Variants in AGBL3 observed in about 807,000 individuals in gnomAD.
AGBL3 encodes cytosolic carboxypeptidase 3.
Under a neutral mutation model 94.5 loss-of-function variants are expected in AGBL3, and 68 were observed. That is an observed-to-expected ratio of 0.72 (90% CI 0.59 to 0.88). The LOEUF is 0.88. AGBL3 is among the 40% of genes least tolerant of loss of function. AGBL3 has a pLI of 0.00. For synonymous variants in AGBL3, 354 were observed against 370.7 expected, an observed-to-expected ratio of 0.95 and a Z score of 0.52; for missense variants, 934 against 1,103.8, an observed-to-expected ratio of 0.85 and a Z score of 2.18.
chr7:135,103,087 C>T (rs1824101281), intron 15 of AGBL3, among the ~76,000 whole-genome samples: 1 of 152,174 alleles, frequency 6.6e-6, no homozygotes, highest in Non-Finnish European at 1.5e-5. Flanking sequence ...AATACTCCGG[C>T]AGAATCCACT....
chr7:135,033,065 CA>C lies in AGBL3; in HGVS notation c.557+84del, dbSNP rs1815938341. ...CAAGTACATTAAAGTTCTTAGTATC[CA>C]TTATGAAACTGTAATTCCTTGAAGT... On this transcript the variant is annotated intron_variant, in intron 6 of 16. Coordinates refer to ENST00000436302, the MANE Select transcript of AGBL3 (RefSeq NM_178563.4). 9 of 1,294,876 alleles carry C rather than the reference CA, an allele frequency of 7.0e-6. 1 individual carries two copies. The South Asian group carries it at 1.6e-4, about 23-fold the overall frequency. The allele number at this position is 1,294,876 out of a possible 1,614,324, so 80.2% of individuals were successfully genotyped here.
intron 7 of AGBL3, among the ~76,000 whole-genome samples, chr7:135,036,598 A>G (rs1031191870): frequency 3.3e-5 from 5 of 152,196 alleles, no homozygotes; most frequent in Admixed American, 6.6e-5. Flanking sequence ...CTTGAATATG[A>G]AAAATATAAA....
intron 4 of AGBL3, among the ~76,000 whole-genome samples, chr7:135,002,562 A>G (rs1811853433): frequency 1.3e-5 from 2 of 152,164 alleles, no homozygotes; most frequent in South Asian, 4.2e-4. Context: ...AGCATAAACT[A>G]TCTGATGTAG....
At chr7:135,024,395 T>G (rs1314543555) in intron 5 of AGBL3, among the ~76,000 whole-genome samples, 1 of 152,240 alleles carries the variant, frequency 6.6e-6, no homozygotes, top group Non-Finnish European at 1.5e-5. Flanking sequence ...CTGCCCAATA[T>G]ACATTCATTG....
chr7:135,060,676 C>T (rs917965380), intron 12 of AGBL3, among the ~76,000 whole-genome samples: 7 of 152,120 alleles, frequency 4.6e-5, no homozygotes, highest in African/African-American at 1.7e-4. Context: ...TGGCTTATCT[C>T]ACTTAACGCA....
chr7:135,090,248 C>G (rs1821662792), intron 15 of AGBL3, among the ~76,000 whole-genome samples: 1 of 152,102 alleles, frequency 6.6e-6, no homozygotes, highest in Non-Finnish European at 1.5e-5. Flanking sequence ...CAGCAAGTAC[C>G]CCAGTGTGGT....
intron 16 of AGBL3, chr7:135,129,611 T>A: frequency 1.3e-6 from 1 of 775,506 alleles, no homozygotes; most frequent in Non-Finnish European, 2.4e-6. Flanking sequence ...ATTTCACTGA[T>A]CCTGCTTCAA....
chr7:134,986,820 T>G (rs911003104), intron 1 of AGBL3, 119 bp downstream of exon 1: 3 of 152,166 alleles, frequency 2.0e-5, no homozygotes, highest in Non-Finnish European at 4.4e-5. Flanking sequence ...CCGCCCGGAG[T>G]TGTGGCCTCA....
rs539648896 is a variant in AGBL3, at chr7:135,104,074, C to G, written c.2111-11306C>G. Among the ~76,000 whole-genome samples the G allele has an allele frequency of 4.9e-4, 74 of 152,254 alleles. 1 individual carries two copies. The highest frequency in any genetic ancestry group is 1.6e-3 in the African/African-American group (68 of 41,550). On this transcript the variant is annotated intron_variant, in intron 15 of 16. Transcript: ENST00000436302. Reference sequence around the variant, plus strand: ...TGATCCTCTCCCTCCTCCCACCCTTCACCCTCAAGTAGGCCCCAGTGTCTG... The same window carrying G: ...TGATCCTCTCCCTCCTCCCACCCTTGACCCTCAAGTAGGCCCCAGTGTCTG...
intron 11 of AGBL3, among the ~76,000 whole-genome samples, chr7:135,049,228 T>C (rs1817658548): frequency 6.6e-6 from 1 of 152,010 alleles, no homozygotes; most frequent in Non-Finnish European, 1.5e-5. Flanking sequence ...ATCGAATTAA[T>C]TGATTTGCAT....
chr7:135,044,228 A>G, intron 9 of AGBL3, 77 bp downstream of exon 9: 1 of 1,367,000 alleles, frequency 7.3e-7, no homozygotes. Context: ...ATGTAACAGT[A>G]CAGACAATAG....
At chr7:135,043,235 G>A (rs1457799431) in intron 8 of AGBL3, among the ~76,000 whole-genome samples, 1 of 152,018 alleles carries the variant, frequency 6.6e-6, no homozygotes, top group Non-Finnish European at 1.5e-5. Flanking sequence ...AAGAAAATGT[G>A]GTACATATAC....
chr7:135,127,208 G>T (rs1828000475), intron 16 of AGBL3, among the ~76,000 whole-genome samples: 1 of 152,284 alleles, frequency 6.6e-6, no homozygotes, highest in East Asian at 1.9e-4. Flanking sequence ...AGTGGGCAAA[G>T]GATATGAAGA....
intron 5 of AGBL3, among the ~76,000 whole-genome samples, chr7:135,031,228 G>C (rs1815706717): frequency 6.6e-6 from 1 of 151,962 alleles, no homozygotes. Context: ...TAAAAGATAT[G>C]TTTTAGGGAG....
chr7:135,133,100 A>C (rs565974034), intron 16 of AGBL3, among the ~76,000 whole-genome samples: 3 of 146,530 alleles, frequency 2.0e-5, no homozygotes, highest in Admixed American at 6.8e-5. Flanking sequence ...CACACACACA[A>C]CCTTTAGAAT....
In AGBL3 at chr7:134,994,965, TCTC is replaced by T. The variant is rs554319527; in HGVS notation, c.310+1291_310+1293del. On this transcript the variant is annotated intron_variant, in intron 4 of 16. Transcript: ENST00000436302. ...CAGTCCTTCTACCATCATCCCCACC[TCTC>T]CTCTGCTACCACCCCCTCCAACCTC... is the stretch of plus-strand genomic sequence containing the variant. Among the ~76,000 whole-genome samples, 224 of 152,050 alleles carry T rather than the reference TCTC, an allele frequency of 1.5e-3. 1 individual carries two copies. Among genetic ancestry groups the T allele is most frequent in the African/African-American group, 5.2e-3 (215 of 41,458 alleles).
chr7:135,057,282 A>G (rs1348405678), intron 11 of AGBL3, among the ~76,000 whole-genome samples: 1 of 152,172 alleles, frequency 6.6e-6, no homozygotes, highest in African/African-American at 2.4e-5. Context: ...GATGTAAAAT[A>G]CAAAACTATA....
chr7:135,100,766 T>C (rs1288074424), intron 15 of AGBL3, among the ~76,000 whole-genome samples: 2 of 152,206 alleles, frequency 1.3e-5, no homozygotes, highest in Non-Finnish European at 2.9e-5. Flanking sequence ...TAAAATGATA[T>C]ATCAAGACAA....
At chr7:135,080,316 AT>A in intron 14 of AGBL3, 56 bp downstream of exon 14, 5 of 1,455,278 alleles carry the variant, frequency 3.4e-6, no homozygotes, top group South Asian at 1.2e-5. Flanking sequence ...TCAACTAAGA[AT>A]TTTTGGTGCC....
Sources: gnomAD v4.1 joint callset for allele counts (sites outside exome capture counted in the v4.1 genomes callset) on GRCh38, gnomAD v4.1.1 for gene constraint, MANE v1.5 for transcripts, NCBI Gene and HGNC (gene_info 2026-07-23, HGNC 2026-07-21) for gene names.